The following COL24A1 variants were observed in gnomAD, a reference collection of about 807,000 sequenced individuals.
COL24A1 encodes the protein collagen type XXIV alpha 1 chain, also known as collagen alpha-1(XXIV) chain.
Under a neutral mutation model 253.9 loss-of-function variants are expected in COL24A1, and 224 were observed. The observed-to-expected ratio is 0.88, with a 90% confidence interval of 0.79 to 0.99. COL24A1 has a LOEUF of 0.99. Ranked by LOEUF, COL24A1 falls within the 50% of genes least tolerant of loss-of-function variation. COL24A1 has a pLI of 0.00. For missense variants in COL24A1, 2,131 were observed against 2,068.5 expected (o/e 1.03, Z -0.59); for synonymous variants, 685 against 673.7 (o/e 1.02, Z -0.26).
At chr1:86,046,065 C>T (rs371501473) in intron 12 of COL24A1, among the ~76,000 whole-genome samples, 11 of 152,206 alleles carry the variant, frequency 7.2e-5, no homozygotes, top group East Asian at 3.8e-4. Context: ...AACACTTACT[C>T]TATTTTCCCT....
chr1:85,885,400 T>TC (rs1227857255), intron 32 of COL24A1, among the ~76,000 whole-genome samples: 3 of 147,440 alleles, frequency 2.0e-5, no homozygotes, highest in Admixed American at 6.9e-5. Flanking sequence ...TATATATATT[T>TC]TTTTTTTAAG....
chr1:85,957,981 A>G (rs998569016), intron 24 of COL24A1, among the ~76,000 whole-genome samples: 19 of 152,272 alleles, frequency 1.2e-4, no homozygotes, highest in African/African-American at 4.6e-4. Flanking sequence ...CAGTTCCTCA[A>G]AAGAGCTACC....
chr1:85,877,761 A>G (rs1681352807), intron 32 of COL24A1, among the ~76,000 whole-genome samples: 1 of 152,220 alleles, frequency 6.6e-6, no homozygotes, highest in Admixed American at 6.5e-5. Flanking sequence ...CATTCATTCA[A>G]CATTTATTAA....
rs186212320 is a variant in COL24A1, at chr1:85,796,512, C to A, written c.3952-10051G>T. 2.0e-5 allele frequency among the ~76,000 whole-genome samples: 3 copies of A among 152,054 alleles called. No individual in the cohort carries two copies. In the East Asian group the frequency reaches 5.8e-4, roughly 29 times the overall value. ...AGAAATAAATGTCTATCCTTTTATT[C>A]AAAAAATTACAAATAATCTACTCAT... On this transcript the variant is annotated intron_variant, in intron 47 of 59. Coordinates refer to ENST00000370571, the MANE Select transcript of COL24A1 (RefSeq NM_152890.7).
chr1:86,115,487 C>T, intron 3 of COL24A1, 109 bp from the exon 4 acceptor site: 1 of 998,358 alleles, frequency 1.0e-6, no homozygotes. Context: ...GTCCCCAGTT[C>T]CCAGCTGGTG....
intron 5 of COL24A1, among the ~76,000 whole-genome samples, chr1:86,101,811 A>C (rs1219651477): frequency 6.6e-6 from 1 of 152,164 alleles, no homozygotes; most frequent in Non-Finnish European, 1.5e-5. Flanking sequence ...GAATTTTTGC[A>C]TCAATGTTCA....
At chr1:85,813,914 A>T (rs961946273) in intron 47 of COL24A1, among the ~76,000 whole-genome samples, 5 of 152,192 alleles carry the variant, frequency 3.3e-5, no homozygotes, top group East Asian at 1.9e-4. Context: ...GAAATTATTC[A>T]TAGTGCAGTA....
intron 23 of COL24A1, among the ~76,000 whole-genome samples, chr1:85,963,778 G>A (rs1042246297): frequency 5.3e-5 from 8 of 152,146 alleles, no homozygotes; most frequent in African/African-American, 1.7e-4. Flanking sequence ...GGGAGAGAAA[G>A]TATATACATA....
At chr1:85,957,622 A>G (rs1409036257) in intron 24 of COL24A1, among the ~76,000 whole-genome samples, 1 of 152,134 alleles carries the variant, frequency 6.6e-6, no homozygotes, top group African/African-American at 2.4e-5. Flanking sequence ...CCAATCTGTT[A>G]TCTCAAATAT....
At chr1:85,818,139 T>C in intron 45 of COL24A1, 52 bp from the exon 46 acceptor site, 1 of 1,468,996 alleles carries the variant, frequency 6.8e-7, no homozygotes, top group Non-Finnish European at 9.5e-7. Context: ...TTACTTAAAC[T>C]GAAGCCATAG....
At chr1:86,024,508 A>T (rs1286595846) in intron 14 of COL24A1, among the ~76,000 whole-genome samples, 1 of 152,190 alleles carries the variant, frequency 6.6e-6, no homozygotes, top group Non-Finnish European at 1.5e-5. Context: ...AATGGAAAAT[A>T]AGACATCATA....
rs78455988 is a variant in COL24A1, at chr1:85,812,471, G to C, written c.3951+4317C>G. ...ATGTTAGTAAAGTGAACTCTTTCCA[G>C]TAGGTAGAACTTGAGGCAATACATA... On this transcript the variant is annotated intron_variant, in intron 47 of 59. Coordinates refer to ENST00000370571, the MANE Select transcript of COL24A1 (RefSeq NM_152890.7). 6.6e-4 allele frequency among the ~76,000 whole-genome samples: 101 copies of C among 152,314 alleles called. 1 individual carries two copies. The East Asian group carries it at 0.017, about 25-fold the overall frequency.
intron 24 of COL24A1, among the ~76,000 whole-genome samples, chr1:85,916,952 G>A (rs947024875): frequency 9.9e-5 from 15 of 152,242 alleles, no homozygotes; most frequent in Admixed American, 7.2e-4. Context: ...ATAGAAAGAC[G>A]TTCATTGCTG....
intron 7 of COL24A1, among the ~76,000 whole-genome samples, chr1:86,086,650 A>G (rs552990861): frequency 1.3e-5 from 2 of 152,316 alleles, no homozygotes; most frequent in African/African-American, 4.8e-5. Flanking sequence ...TGTAGAAATC[A>G]TTGTAGGAAC....
chr1:85,911,307 T>A, intron 25 of COL24A1, 73 bp downstream of exon 25: 1 of 1,129,596 alleles, frequency 8.9e-7, no homozygotes, highest in South Asian at 1.3e-5. Flanking sequence ...ACATAAAAGA[T>A]CATATGAAAG....
At chr1:86,060,207 T>C (rs766395770) in intron 8 of COL24A1, among the ~76,000 whole-genome samples, 30 of 152,128 alleles carry the variant, frequency 2.0e-4, no homozygotes, top group Non-Finnish European at 3.8e-4. Flanking sequence ...AAAAAGACTC[T>C]TTTTCATTGA....
intron 40 of COL24A1, 93 bp downstream of exon 40, chr1:85,842,247 C>T: frequency 7.5e-7 from 1 of 1,331,450 alleles, no homozygotes; most frequent in Non-Finnish European, 1.1e-6. Context: ...AAAGGTTTAT[C>T]AGAGAGATTT....
In COL24A1 at chr1:85,907,231, C is replaced by T; in HGVS notation, c.2741G>A (p.Arg914Lys). The T allele has an allele frequency of 6.2e-7, 1 of 1,611,334 alleles. No homozygotes were observed. Among genetic ancestry groups the T allele is most frequent in the South Asian group, 1.1e-5 (1 of 90,964 alleles). The change falls in exon 28 of 60, where the codon AGA becomes AAA. Residue 914 changes from arginine to lysine, a missense_variant. Physicochemically the swap from Arg to Lys is conservative, Grantham distance 26. Coordinates refer to ENST00000370571, the MANE Select transcript of COL24A1 (RefSeq NM_152890.7). The part of the protein sequence containing the change: ...PLGLPGHVGA[R>K]GPPGSQGPKG... ...AGGACCTTGACTCCCAGGTGGTCCT[C>T]TTGCCCCCACATGACCCTATATGTT... is the stretch of plus-strand genomic sequence containing the variant.
At chr1:85,761,247 A>G in intron 55 of COL24A1, 149 bp downstream of exon 55, 2 of 759,274 alleles carry the variant, frequency 2.6e-6, no homozygotes, top group South Asian at 1.9e-5. Context: ...ATGTTTGTGT[A>G]GCTGGGCCAG....
Sources: gnomAD v4.1 joint callset for allele counts (sites outside exome capture counted in the v4.1 genomes callset) on GRCh38, gnomAD v4.1.1 for gene constraint, MANE v1.5 for transcripts, NCBI Gene and HGNC (gene_info 2026-07-23, HGNC 2026-07-21) for gene names.